Variants in ASMTL observed in about 807,000 individuals in gnomAD.
The protein encoded by ASMTL is acetylserotonin O-methyltransferase like, also known as probable bifunctional dTTP/UTP pyrophosphatase/methyltransferase protein.
ASMTL carries 57 observed loss-of-function variants against 60.3 expected under a neutral mutation model. The observed-to-expected ratio is 0.95, with a 90% confidence interval of 0.76 to 1.18. The LOEUF (loss-of-function observed/expected upper bound fraction) is 1.18, where lower values mean the gene tolerates loss of function less well. Ranked by LOEUF, ASMTL falls within the 50% of genes most tolerant of loss-of-function variation. The pLI, the probability that ASMTL is intolerant of heterozygous loss-of-function variation, is 0.00. For synonymous variants in ASMTL, 419 were observed against 373.0 expected, an observed-to-expected ratio of 1.12 and a Z score of -1.42; for missense variants, 981 against 852.6, an observed-to-expected ratio of 1.15 and a Z score of -1.88.
At chrX:1,446,499 C>CTTTT (rs1292705871) in intron 1 of ASMTL, among the ~76,000 whole-genome samples, 1 of 92,480 alleles carries the variant, frequency 1.1e-5, no homozygotes, top group African/African-American at 4.8e-5. Flanking sequence ...CATCTCATGA[C>CTTTT]ATTTTTTTTT....
At chrX:1,406,997 G>A (rs2089879211) in intron 12 of ASMTL, among the ~76,000 whole-genome samples, 1 of 150,730 alleles carries the variant, frequency 6.6e-6, no homozygotes, top group Non-Finnish European at 1.5e-5. Context: ...ATGGATAGAT[G>A]CATGGATTGG....
rs146656477 is a variant in ASMTL at position 1,434,870 on chromosome X, G to A, written c.400+152C>T. The A allele has an allele frequency of 4.1e-3, 2,990 of 723,098 alleles. 54 individuals are homozygous for A. The highest frequency in any genetic ancestry group is 0.035 in the African/African-American group (1,970 of 57,074). The allele number at this position is 723,098 out of a possible 1,614,324, so 44.8% of individuals were successfully genotyped here. A position where few individuals can be genotyped will look rare whatever the true frequency, so the allele number is the denominator to read the frequency against. ...CCTTTGTCCTGCAGACTTCCAAATCGGCGGACAACTTTCCCAAGCAGGACA... is the reference window on the plus strand; with the variant it reads ...CCTTTGTCCTGCAGACTTCCAAATCAGCGGACAACTTTCCCAAGCAGGACA... On this transcript the variant is annotated intron_variant, in intron 5 of 12. Coordinates refer to ENST00000381317, the MANE Select transcript of ASMTL (RefSeq NM_004192.4).
rs1378171413 is a variant in ASMTL at position 1,421,784 on chromosome X, CAG to C, written c.1117_1118del (p.Leu373AlafsTer8). ...VYLASDGEYS[L>X]HGFIMHNNDL... Reference sequence around the variant, plus strand: ...CATTATTGTGCATGATGAAGCCGTGCAGAGAGTATTCGCCATCCGATGCCAGG... The same window carrying C: ...CATTATTGTGCATGATGAAGCCGTGCAGAGTATTCGCCATCCGATGCCAGG... On this transcript the variant is annotated frameshift_variant, in exon 9 of 13. Transcript: ENST00000381317. LOFTEE classifies it high-confidence loss of function. The C allele has an allele frequency of 2.4e-5, 38 of 1,613,732 alleles. No individual in the cohort carries two copies. The highest frequency in any genetic ancestry group is 3.0e-5 in the Non-Finnish European group (35 of 1,179,832).
intron 12 of ASMTL, among the ~76,000 whole-genome samples, chrX:1,404,246 AATGG>A (rs2089710008): frequency 8.9e-6 from 1 of 112,594 alleles, no homozygotes; most frequent in African/African-American, 3.5e-5. Flanking sequence ...TAGGTAGATG[AATGG>A]ATGGATAGAT....
At chrX:1,416,942 A>G (rs1261156473) in intron 11 of ASMTL, among the ~76,000 whole-genome samples, 4 of 150,662 alleles carry the variant, frequency 2.7e-5, no homozygotes, top group Non-Finnish European at 3.0e-5. Flanking sequence ...ACACGGACTC[A>G]GACACAGAGA....
chrX:1,449,551 C>T (rs1197015820), intron 1 of ASMTL, among the ~76,000 whole-genome samples: 3 of 151,896 alleles, frequency 2.0e-5, no homozygotes, highest in Admixed American at 6.6e-5. Flanking sequence ...CAAGAGTAGA[C>T]TCCTGCCCCA....
chrX:1,432,113 G>A, intron 6 of ASMTL, 156 bp downstream of exon 6: 2 of 638,252 alleles, frequency 3.1e-6, no homozygotes, highest in Non-Finnish European at 5.6e-6. Context: ...TGGTCGTGAA[G>A]GGTTTGTGCT....
chrX:1,443,350 A>ACACG (rs2091157475), intron 1 of ASMTL, among the ~76,000 whole-genome samples: 2 of 44,176 alleles, frequency 4.5e-5, no homozygotes, highest in African/African-American at 9.0e-5. Context: ...TTGGACAGAC[A>ACACG]CCGCCATCTT....
intron 5 of ASMTL, among the ~76,000 whole-genome samples, chrX:1,434,198 C>A (rs751709549): frequency 6.6e-6 from 1 of 152,126 alleles, no homozygotes; most frequent in Non-Finnish European, 1.5e-5. Flanking sequence ...CACCGTGGTG[C>A]ACACCTGCAG....
intron 2 of ASMTL, among the ~76,000 whole-genome samples, chrX:1,440,692 G>A (rs188495810): frequency 6.6e-6 from 1 of 152,214 alleles, no homozygotes; most frequent in Non-Finnish European, 1.5e-5. Context: ...CCAACACTCC[G>A]GGAGGCCGAG....
At chrX:1,432,819 A>G in intron 5 of ASMTL, among the ~76,000 whole-genome samples, 2 of 152,322 alleles carry the variant, frequency 1.3e-5, no homozygotes, top group South Asian at 4.1e-4. Flanking sequence ...ACAGAGCGAG[A>G]CTCCGTCTCT....
intron 2 of ASMTL, among the ~76,000 whole-genome samples, chrX:1,440,198 C>T (rs1377606578): frequency 6.6e-5 from 10 of 152,006 alleles, no homozygotes; most frequent in Non-Finnish European, 1.3e-4. Flanking sequence ...GCCATTCTCC[C>T]GCCTCAGCCT....
chrX:1,428,115 T>G lies in ASMTL; in HGVS notation c.516A>C (p.Lys172Asn). Residue 172 changes from lysine (K) to asparagine (N), a missense_variant, in exon 7 of 13, where the codon AAA (lysine) becomes AAC (asparagine). Lys to Asn is a moderately conservative substitution (Grantham distance 94, BLOSUM62 0). Coordinates refer to ENST00000381317, the MANE Select transcript of ASMTL (RefSeq NM_004192.4). ...GGGCCTGGATCCCGTAGCCGCCAGC[T>G]TTGTCCCTGGGTGGGCAGGGGAAGG... ...EYVHSGEPMD[K>N]AGGYGIQALG... 1 of 1,602,598 alleles carries G rather than the reference T, an allele frequency of 6.2e-7. No homozygotes were observed. The highest frequency in any genetic ancestry group is 1.1e-5 in the South Asian group (1 of 90,656).
At chrX:1,416,026 GAC>G (rs1234034985) in intron 11 of ASMTL, among the ~76,000 whole-genome samples, 3 of 129,622 alleles carry the variant, frequency 2.3e-5, no homozygotes, top group Non-Finnish European at 4.9e-5. Context: ...CACACACACG[GAC>G]ACAGATACAG....
At chrX:1,405,378 G>T (rs775026656) in intron 12 of ASMTL, among the ~76,000 whole-genome samples, 57 of 142,700 alleles carry the variant, frequency 4.0e-4, no homozygotes, top group African/African-American at 1.3e-3. Context: ...ATGGATGGGT[G>T]AATAGGTAGG....
chrX:1,436,642 G>A (rs192135784), intron 3 of ASMTL, among the ~76,000 whole-genome samples: 2,746 of 152,190 alleles, frequency 0.018, 35 homozygotes, highest in South Asian at 0.047. Context: ...GTGAGCCACC[G>A]CACCCGGCCA....
rs1278957427 is a variant in ASMTL, at chrX:1,428,848, C to CT, written c.510-728_510-727insA. 3.9e-4 allele frequency among the ~76,000 whole-genome samples: 57 copies of CT among 147,380 alleles called. 1 individual carries two copies. Among genetic ancestry groups the CT allele is most frequent in the African/African-American group, 1.2e-3 (47 of 39,956 alleles). ...ACACTGTTCCTATAAACCACAGTCA[C>CT]AGGCTGTAAAGAGCCTTGAACTTCT... On this transcript the variant is annotated intron_variant, in intron 6 of 12. Coordinates refer to ENST00000381317, the MANE Select transcript of ASMTL (RefSeq NM_004192.4).
intron 11 of ASMTL, among the ~76,000 whole-genome samples, chrX:1,417,699 C>T (rs769025837): frequency 4.0e-5 from 6 of 151,292 alleles, no homozygotes; most frequent in Non-Finnish European, 5.9e-5. Flanking sequence ...ACACCAGAGA[C>T]GTGCACACAC....
chrX:1,414,091 C>G (rs1225524371), intron 11 of ASMTL: 3 of 148,596 alleles, frequency 2.0e-5, no homozygotes, highest in African/African-American at 5.0e-5. Context: ...AGGTGTCCTT[C>G]TAAGAGACAG....
Sources: gnomAD v4.1 joint callset for allele counts (sites outside exome capture counted in the v4.1 genomes callset) on GRCh38, gnomAD v4.1.1 for gene constraint, MANE v1.5 for transcripts, NCBI Gene and HGNC (gene_info 2026-07-23, HGNC 2026-07-21) for gene names.